Variants in BASP1 observed in about 807,000 individuals in gnomAD.
The protein encoded by BASP1 is brain acid soluble protein 1.
Under a neutral mutation model 2.2 loss-of-function variants are expected in BASP1, and 1 was observed. That is an observed-to-expected ratio of 0.46 (90% CI 0.16 to 2.17). The LOEUF (loss-of-function observed/expected upper bound fraction) is 2.17. BASP1 is among the 30% of genes most tolerant of loss of function. The pLI is 0.27. For synonymous variants in BASP1, 187 were observed against 154.2 expected (o/e 1.21, Z -1.58); for missense variants, 352 against 327.2 (o/e 1.08, Z -0.58).
intron 1 of BASP1, among the ~76,000 whole-genome samples, chr5:17,234,177 T>C (rs898423833): frequency 3.3e-5 from 5 of 151,940 alleles, no homozygotes; most frequent in African/African-American, 9.7e-5. Flanking sequence ...TACTGGAAAA[T>C]ACAAACAAGC....
chr5:17,255,405 T>C (rs1740188021), intron 1 of BASP1, among the ~76,000 whole-genome samples: 2 of 152,224 alleles, frequency 1.3e-5, no homozygotes, highest in African/African-American at 4.8e-5. Context: ...AGGTTTTTTT[T>C]TCCCATTAAA....
intron 1 of BASP1, among the ~76,000 whole-genome samples, chr5:17,245,302 C>T (rs561571479): frequency 1.1e-3 from 117 of 107,054 alleles, no homozygotes; most frequent in African/African-American, 3.5e-3. Context: ...AGTGAGACTC[C>T]GTCTCAAAAA....
At chr5:17,238,838 C>T (rs974688710) in intron 1 of BASP1, among the ~76,000 whole-genome samples, 1 of 152,044 alleles carries the variant, frequency 6.6e-6, no homozygotes, top group African/African-American at 2.4e-5. Flanking sequence ...TTTTGAGTGT[C>T]AGTTATTAAT....
chr5:17,233,899 C>T (rs759800702), intron 1 of BASP1, among the ~76,000 whole-genome samples: 7 of 151,780 alleles, frequency 4.6e-5, no homozygotes, highest in South Asian at 2.1e-4. Flanking sequence ...GAGGCCGAGG[C>T]GGACAGATTG....
intron 1 of BASP1, among the ~76,000 whole-genome samples, chr5:17,247,029 A>G (rs1740004741): frequency 6.6e-6 from 1 of 152,040 alleles, no homozygotes; most frequent in Non-Finnish European, 1.5e-5. Context: ...TCTACAAAAA[A>G]TACAAAAAAT....
intron 1 of BASP1, among the ~76,000 whole-genome samples, chr5:17,222,613 A>G (rs1471380117): frequency 6.6e-6 from 1 of 152,218 alleles, no homozygotes; most frequent in Non-Finnish European, 1.5e-5. Context: ...TTAAAACAGC[A>G]TTCTCCTTTT....
At chr5:17,262,014 C>A (rs1740324444) in intron 1 of BASP1, among the ~76,000 whole-genome samples, 1 of 152,174 alleles carries the variant, frequency 6.6e-6, no homozygotes, top group Non-Finnish European at 1.5e-5. Flanking sequence ...CTTTTGTAAC[C>A]TTTTTGTAGC....
chr5:17,270,158 A>T (rs1740502291), intron 1 of BASP1, among the ~76,000 whole-genome samples: 1 of 151,950 alleles, frequency 6.6e-6, no homozygotes, highest in Non-Finnish European at 1.5e-5. Flanking sequence ...GCACCACCAC[A>T]TCTGGCTAAT....
chr5:17,250,392 T>C (rs1740078048), intron 1 of BASP1, among the ~76,000 whole-genome samples: 1 of 152,220 alleles, frequency 6.6e-6, no homozygotes, highest in Admixed American at 6.5e-5. Flanking sequence ...TGGTAACTAT[T>C]AACAATCAGT....
chr5:17,257,555 A>G (rs1476900422), intron 1 of BASP1, among the ~76,000 whole-genome samples: 2 of 152,192 alleles, frequency 1.3e-5, no homozygotes, highest in African/African-American at 4.8e-5. Flanking sequence ...ATTCCATTTA[A>G]TGCTAACAAC....
chr5:17,269,352 G>C (rs1740486867), intron 1 of BASP1, among the ~76,000 whole-genome samples: 1 of 152,342 alleles, frequency 6.6e-6, no homozygotes, highest in South Asian at 2.1e-4. Flanking sequence ...AAGGTGATGG[G>C]TATGTATTCC....
intron 1 of BASP1, among the ~76,000 whole-genome samples, chr5:17,219,089 T>A (rs917247451): frequency 2.6e-5 from 4 of 151,948 alleles, no homozygotes; most frequent in African/African-American, 4.8e-5. Flanking sequence ...GCTATAGGGT[T>A]GTGGACCGAC....
intron 1 of BASP1, among the ~76,000 whole-genome samples, chr5:17,271,417 C>T (rs755846354): frequency 2.6e-4 from 39 of 152,140 alleles, no homozygotes; most frequent in Non-Finnish European, 4.4e-4. Flanking sequence ...CCACCACACC[C>T]GGTCTTTAAA....
intron 1 of BASP1, among the ~76,000 whole-genome samples, chr5:17,230,238 C>T (rs571655005): frequency 2.0e-5 from 3 of 152,272 alleles, no homozygotes; most frequent in Admixed American, 2.0e-4. Context: ...TAGACAGACT[C>T]TTAACGGTGG....
At chr5:17,250,260 G>A (rs1289804098) in intron 1 of BASP1, among the ~76,000 whole-genome samples, 6 of 151,980 alleles carry the variant, frequency 3.9e-5, no homozygotes, top group Admixed American at 1.3e-4. Context: ...ATTTTAATTT[G>A]GGGCATATTC....
chr5:17,231,507 C>G (rs369089618), intron 1 of BASP1, among the ~76,000 whole-genome samples: 1 of 152,126 alleles, frequency 6.6e-6, no homozygotes, highest in East Asian at 1.9e-4. Context: ...CTTCTATTTT[C>G]GTCTCTTACC....
At chr5:17,247,302 T>G (rs574024412) in intron 1 of BASP1, among the ~76,000 whole-genome samples, 2 of 152,370 alleles carry the variant, frequency 1.3e-5, no homozygotes, top group African/African-American at 4.8e-5. Flanking sequence ...TCTGAACATG[T>G]AAAGTATAGG....
intron 1 of BASP1, among the ~76,000 whole-genome samples, chr5:17,224,225 AT>A (rs1222015987): frequency 6.6e-6 from 1 of 152,152 alleles, no homozygotes; most frequent in Non-Finnish European, 1.5e-5. Context: ...TTTTGGGTAA[AT>A]TGTTGTTTAA....
At chr5:17,274,830 A>C (rs1159809188) in intron 1 of BASP1, among the ~76,000 whole-genome samples, 1 of 152,196 alleles carries the variant, frequency 6.6e-6, no homozygotes, top group Non-Finnish European at 1.5e-5. Context: ...TCTTTTTAAA[A>C]TTTTTAACTT....
Sources: allele counts gnomAD v4.1 joint callset (sites outside exome capture counted in the v4.1 genomes callset), GRCh38; gene constraint gnomAD v4.1.1; transcripts MANE v1.5; gene names NCBI Gene and HGNC (gene_info 2026-07-23, HGNC 2026-07-21).